CSMD1: variants seen among roughly 807,000 people sequenced by gnomAD.
The protein encoded by CSMD1 is CUB and Sushi multiple domains 1.
Under a neutral mutation model 417.5 loss-of-function variants are expected in CSMD1, and 213 were observed. The ratio of observed to expected loss-of-function variants is 0.51; its 90% CI spans 0.46 to 0.57. The LOEUF (loss-of-function observed/expected upper bound fraction) is 0.57. CSMD1 is among the 20% of genes least tolerant of loss of function. The pLI, the probability that CSMD1 is intolerant of heterozygous loss-of-function variation, is 0.00. For missense variants in CSMD1, 6,923 were observed against 4,529.7 expected, an observed-to-expected ratio of 1.53 and a Z score of -15.17; for synonymous variants, 2,862 against 1,736.8, an observed-to-expected ratio of 1.65 and a Z score of -16.11.
chr8:4,000,244 G>A lies in CSMD1; in HGVS notation c.611-2134C>T, dbSNP rs2627407. 9.3e-3 allele frequency among the ~76,000 whole-genome samples: 1,378 copies of A among 148,964 alleles called. 19 individuals carry two copies. The highest frequency in any genetic ancestry group is 0.032 in the African/African-American group (1,274 of 40,068). ...ATGTCTCTCCTGCCCCCCGCCCTCCGTGGACACCACTGTGCAAGCACACAC... is the reference window on the plus strand; with the variant it reads ...ATGTCTCTCCTGCCCCCCGCCCTCCATGGACACCACTGTGCAAGCACACAC... On this transcript the variant is annotated intron_variant, in intron 4 of 69. Coordinates refer to ENST00000635120, the MANE Select transcript of CSMD1 (RefSeq NM_033225.6).
At chr8:3,583,297 T>C (rs767518121) in intron 9 of CSMD1, among the ~76,000 whole-genome samples, 19 of 151,896 alleles carry the variant, frequency 1.3e-4, no homozygotes, top group Non-Finnish European at 2.4e-4. Flanking sequence ...GAAGCAAATG[T>C]GGGCACAGCT....
At chr8:4,869,474 A>C (rs961270855) in intron 1 of CSMD1, among the ~76,000 whole-genome samples, 4 of 152,080 alleles carry the variant, frequency 2.6e-5, no homozygotes, top group Non-Finnish European at 4.4e-5. Context: ...CAACCAGACT[A>C]TATAATGCAG....
At chr8:3,068,487 CAT>C (rs1453157790) in intron 49 of CSMD1, among the ~76,000 whole-genome samples, 1 of 152,126 alleles carries the variant, frequency 6.6e-6, no homozygotes, top group Non-Finnish European at 1.5e-5. Context: ...TACATATGCA[CAT>C]GTGTATTAGG....
intron 3 of CSMD1, among the ~76,000 whole-genome samples, chr8:4,226,212 C>T (rs1195609325): frequency 6.6e-6 from 1 of 151,948 alleles, no homozygotes; most frequent in East Asian, 1.9e-4. Flanking sequence ...CCACTCTTTA[C>T]CTTGAAAGGA....
At chr8:4,094,890 G>A (rs924575330) in intron 3 of CSMD1, among the ~76,000 whole-genome samples, 1 of 152,192 alleles carries the variant, frequency 6.6e-6, no homozygotes, top group African/African-American at 2.4e-5. Flanking sequence ...TTAAAAGACA[G>A]ATTGAAGAGG....
intron 3 of CSMD1, among the ~76,000 whole-genome samples, chr8:4,271,002 G>C (rs749015273): frequency 6.6e-6 from 1 of 152,274 alleles, no homozygotes; most frequent in Middle Eastern, 3.4e-3. Flanking sequence ...ATTTTAAATT[G>C]TTATGAGAGC....
chr8:3,208,432 A>G (rs886218266), intron 30 of CSMD1, among the ~76,000 whole-genome samples: 20 of 152,114 alleles, frequency 1.3e-4, no homozygotes, highest in African/African-American at 4.8e-4. Flanking sequence ...ACACACAGCT[A>G]ATTTTTGTAT....
At chr8:3,019,705 T>C (rs1809196787) in intron 51 of CSMD1, among the ~76,000 whole-genome samples, 1 of 152,188 alleles carries the variant, frequency 6.6e-6, no homozygotes, top group Admixed American at 6.5e-5. Flanking sequence ...CGTGTCCATT[T>C]TCACTCATGA....
At chr8:4,657,703 C>A (rs1424005144) in intron 1 of CSMD1, among the ~76,000 whole-genome samples, 5 of 150,132 alleles carry the variant, frequency 3.3e-5, no homozygotes, top group African/African-American at 1.2e-4. Context: ...GAAAATATGA[C>A]CCACTCACAA....
intron 3 of CSMD1, among the ~76,000 whole-genome samples, chr8:4,148,915 T>C (rs1281186916): frequency 1.3e-5 from 2 of 152,154 alleles, no homozygotes; most frequent in Non-Finnish European, 2.9e-5. Context: ...CACCATCATC[T>C]GCACTTTTCA....
At chr8:4,568,055 C>T (rs1288824461) in intron 2 of CSMD1, among the ~76,000 whole-genome samples, 4 of 152,130 alleles carry the variant, frequency 2.6e-5, no homozygotes, top group African/African-American at 7.2e-5. Flanking sequence ...TGGACTGATA[C>T]TGTAAAATGT....
At chr8:4,813,289 A>C (rs1174665852) in intron 1 of CSMD1, among the ~76,000 whole-genome samples, 1 of 152,106 alleles carries the variant, frequency 6.6e-6, no homozygotes, top group Non-Finnish European at 1.5e-5. Flanking sequence ...AAAATAAACA[A>C]ATCACTCCCC....
chr8:4,054,843 CTGTT>C (rs1233939416), intron 3 of CSMD1, among the ~76,000 whole-genome samples: 4 of 152,154 alleles, frequency 2.6e-5, no homozygotes, highest in African/African-American at 9.7e-5. Context: ...CAGCAGCCCA[CTGTT>C]TGGAGAGAAT....
chr8:4,698,095 G>A (rs979334435), intron 1 of CSMD1, among the ~76,000 whole-genome samples: 1 of 149,414 alleles, frequency 6.7e-6, no homozygotes, highest in Admixed American at 6.7e-5. Flanking sequence ...AAATATAAAT[G>A]AATTCCCAAA....
intron 39 of CSMD1, among the ~76,000 whole-genome samples, chr8:3,153,704 G>T (rs924588619): frequency 1.3e-5 from 2 of 152,148 alleles, no homozygotes; most frequent in African/African-American, 4.8e-5. Context: ...GGAGGGGCTG[G>T]CCCAGGACCT....
intron 21 of CSMD1, among the ~76,000 whole-genome samples, chr8:3,354,904 T>TATCTATAGATATGTCTATCTATAG (rs1563303971): frequency 7.1e-6 from 1 of 141,366 alleles, no homozygotes; most frequent in Non-Finnish European, 1.5e-5. Flanking sequence ...TCTATAGATC[T>TATCTATAGATATGTCTATCTATAG]ATCTATAGAT....
intron 4 of CSMD1, among the ~76,000 whole-genome samples, chr8:4,023,287 G>C (rs1162256552): frequency 6.6e-6 from 1 of 152,184 alleles, no homozygotes; most frequent in Non-Finnish European, 1.5e-5. Flanking sequence ...CCATCATTGA[G>C]ACTCATTTTG....
chr8:4,244,926 G>C (rs1018175832), intron 3 of CSMD1, among the ~76,000 whole-genome samples: 2 of 152,062 alleles, frequency 1.3e-5, no homozygotes, highest in Admixed American at 1.3e-4. Flanking sequence ...CTTCCAATTT[G>C]TCATCACCAT....
chr8:4,350,122 T>C (rs1801005704), intron 3 of CSMD1, among the ~76,000 whole-genome samples: 1 of 152,188 alleles, frequency 6.6e-6, no homozygotes, highest in African/African-American at 2.4e-5. Flanking sequence ...GTCAGATTCA[T>C]CCCAAACTTC....
Sources: allele counts gnomAD v4.1 joint callset (sites outside exome capture counted in the v4.1 genomes callset), GRCh38; gene constraint gnomAD v4.1.1; transcripts MANE v1.5; gene names NCBI Gene and HGNC (gene_info 2026-07-23, HGNC 2026-07-21).